PKNOX2: variants seen among roughly 807,000 people sequenced by gnomAD.
PKNOX2 encodes homeobox protein PKNOX2.
In PKNOX2, 14 loss-of-function variants were observed where a neutral mutation model predicts 53.1. The observed-to-expected ratio is 0.26, with a 90% CI of 0.17 to 0.41. PKNOX2 has a LOEUF of 0.41. PKNOX2 is among the 10% of genes least tolerant of loss of function. The probability of loss-of-function intolerance (pLI) is 1.00; values close to 1 mark genes in which losing one functional copy is unlikely to be tolerated. For synonymous variants in PKNOX2, 257 were observed against 242.8 expected (o/e 1.06, Z -0.54); for missense variants, 496 against 602.8 (o/e 0.82, Z 1.85).
intron 1 of PKNOX2, among the ~76,000 whole-genome samples, chr11:125,213,399 G>A (rs139458021): frequency 8.5e-5 from 13 of 152,216 alleles, no homozygotes; most frequent in African/African-American, 2.9e-4. Flanking sequence ...TAAGATGCTG[G>A]TTTTGAAAAA....
At chr11:125,421,132 G>C (rs1299264375) in intron 10 of PKNOX2, among the ~76,000 whole-genome samples, 1 of 152,200 alleles carries the variant, frequency 6.6e-6, no homozygotes. Context: ...CAGCACTAAG[G>C]GGGTTGATCA....
At chr11:125,423,209 C>T (rs539038009) in intron 10 of PKNOX2, among the ~76,000 whole-genome samples, 4 of 152,150 alleles carry the variant, frequency 2.6e-5, no homozygotes, top group African/African-American at 7.2e-5. Flanking sequence ...GGTCTCACGC[C>T]GGTTAGAGAC....
At chr11:125,377,812 T>C (rs1952931390) in intron 5 of PKNOX2, among the ~76,000 whole-genome samples, 2 of 152,184 alleles carry the variant, frequency 1.3e-5, no homozygotes, top group South Asian at 4.1e-4. Flanking sequence ...TCATAATGTT[T>C]TAAGAAAGTT....
intron 2 of PKNOX2, among the ~76,000 whole-genome samples, chr11:125,327,614 G>A (rs1949903271): frequency 6.6e-6 from 1 of 152,162 alleles, no homozygotes; most frequent in African/African-American, 2.4e-5. Flanking sequence ...GAGTGTGGAG[G>A]GCAAGAGGAG....
At chr11:125,253,358 G>C (rs533810503) in intron 2 of PKNOX2, among the ~76,000 whole-genome samples, 1 of 152,136 alleles carries the variant, frequency 6.6e-6, no homozygotes, top group African/African-American at 2.4e-5. Flanking sequence ...GGCCTCCCCT[G>C]TGGCAGTTTC....
intron 2 of PKNOX2, among the ~76,000 whole-genome samples, chr11:125,291,964 A>G (rs923386329): frequency 3.9e-5 from 6 of 152,310 alleles, no homozygotes; most frequent in African/African-American, 1.2e-4. Context: ...GTTTGGGGTG[A>G]TGGAAAAGTT....
intron 2 of PKNOX2, among the ~76,000 whole-genome samples, chr11:125,272,266 A>G (rs1330542113): frequency 6.6e-6 from 1 of 152,142 alleles, no homozygotes; most frequent in African/African-American, 2.4e-5. Flanking sequence ...CTGATCCTGG[A>G]TCCTTAGGTA....
chr11:125,309,877 C>G (rs914644593), intron 2 of PKNOX2, among the ~76,000 whole-genome samples: 2 of 152,202 alleles, frequency 1.3e-5, no homozygotes, highest in African/African-American at 4.8e-5. Flanking sequence ...AAATTCTCAA[C>G]AGTATAAAGC....
chr11:125,340,166 G>A (rs577381582), intron 3 of PKNOX2, among the ~76,000 whole-genome samples: 20 of 152,316 alleles, frequency 1.3e-4, no homozygotes, highest in African/African-American at 3.8e-4. Flanking sequence ...CTTCCCTACC[G>A]TGGGAAGGCA....
At chr11:125,362,258 G>A (rs1047660021) in intron 4 of PKNOX2, among the ~76,000 whole-genome samples, 2 of 152,174 alleles carry the variant, frequency 1.3e-5, no homozygotes, top group Admixed American at 6.5e-5. Flanking sequence ...CACATAGTGC[G>A]ATTAGTCAGA....
intron 2 of PKNOX2, among the ~76,000 whole-genome samples, chr11:125,300,842 G>T (rs1198782915): frequency 6.6e-6 from 1 of 152,204 alleles, no homozygotes; most frequent in Non-Finnish European, 1.5e-5. Flanking sequence ...GCTACTTGGA[G>T]CCAGAACACA....
At chr11:125,342,866 G>T (rs1950770101) in intron 3 of PKNOX2, among the ~76,000 whole-genome samples, 1 of 151,814 alleles carries the variant, frequency 6.6e-6, no homozygotes, top group East Asian at 1.9e-4. Context: ...CCCGATCCCT[G>T]GAGCTGCTTG....
intron 10 of PKNOX2, among the ~76,000 whole-genome samples, chr11:125,414,358 G>A (rs1955752421): frequency 6.6e-6 from 1 of 152,190 alleles, no homozygotes; most frequent in Admixed American, 6.5e-5. Flanking sequence ...GGGCACAGGT[G>A]CAGGTGCCAT....
At chr11:125,404,200 A>G (rs1348629880) in intron 7 of PKNOX2, among the ~76,000 whole-genome samples, 1 of 152,224 alleles carries the variant, frequency 6.6e-6, no homozygotes, top group Non-Finnish European at 1.5e-5. Flanking sequence ...AATGAGCCAC[A>G]CTGCCTGTCA....
chr11:125,349,336 T>C (rs950392405), intron 3 of PKNOX2, among the ~76,000 whole-genome samples: 2 of 151,526 alleles, frequency 1.3e-5, no homozygotes, highest in African/African-American at 4.9e-5. Flanking sequence ...GAGGCCTTGG[T>C]TCCCCTGCCT....
intron 1 of PKNOX2, among the ~76,000 whole-genome samples, chr11:125,229,767 C>T (rs868862038): frequency 1.3e-5 from 2 of 152,064 alleles, no homozygotes; most frequent in South Asian, 2.1e-4. Context: ...AGAGGATGTC[C>T]ATGGGGCCAG....
chr11:125,186,949 A>T (rs998754510), intron 1 of PKNOX2, among the ~76,000 whole-genome samples: 7 of 152,174 alleles, frequency 4.6e-5, no homozygotes, highest in Non-Finnish European at 8.8e-5. Context: ...TTTTCTCAGC[A>T]CCATTTATTG....
rs74322391 is a variant in PKNOX2 at position 125,268,523 on chromosome 11, G to T, written c.-130+33408G>T. On this transcript the variant is annotated intron_variant, in intron 2 of 12. Coordinates refer to ENST00000298282, the MANE Select transcript of PKNOX2 (RefSeq NM_001382323.2). ...CAGTTTGCTCACCTGCTTAATGCTGGGGTTGGGGCAGGGCTGAAGCTGGGA... is the reference window on the plus strand; with the variant it reads ...CAGTTTGCTCACCTGCTTAATGCTGTGGTTGGGGCAGGGCTGAAGCTGGGA... Among the ~76,000 whole-genome samples, 454 of 152,338 alleles carry T rather than the reference G, an allele frequency of 3.0e-3. 2 individuals are homozygous for T. Among genetic ancestry groups the T allele is most frequent in the African/African-American group, 0.01 (430 of 41,578 alleles).
At position 125,431,703 on chromosome 11, in the gene PKNOX2, A is replaced by G. The variant is rs1324643497; in HGVS notation, c.*311A>G. ...AAATCCCTGAGGATAGATGGCACCC[A>G]TGGCCCCCACCCACGGAAGGACTTG... is the stretch of plus-strand genomic sequence containing the variant. On this transcript the variant is annotated 3_prime_UTR_variant, in exon 13 of 13. Coordinates refer to ENST00000298282, the MANE Select transcript of PKNOX2 (RefSeq NM_001382323.2). The G allele has an allele frequency of 1.1e-5, 4 of 369,944 alleles. No individual in the cohort carries two copies. In the East Asian group the frequency reaches 2.0e-4, roughly 18 times the overall value. 22.9% of individuals were successfully genotyped at this position (369,944 alleles called of 1,614,324 possible). A position where few individuals can be genotyped will look rare whatever the true frequency, so the allele number is the denominator to read the frequency against.
Sources: allele counts gnomAD v4.1 joint callset (sites outside exome capture counted in the v4.1 genomes callset), GRCh38; gene constraint gnomAD v4.1.1; transcripts MANE v1.5; gene names NCBI Gene and HGNC (gene_info 2026-07-23, HGNC 2026-07-21).